C12orf56: variants seen among roughly 807,000 people sequenced by gnomAD.
C12orf56 encodes the protein chromosome 12 open reading frame 56.
A neutral mutation model predicts 69.9 loss-of-function variants in C12orf56; 71 were observed. The observed-to-expected ratio is 1.02, with a 90% CI of 0.84 to 1.24. The LOEUF is 1.24. Among genes scored for constraint, C12orf56 ranks in the 50% most tolerant of loss-of-function variants. C12orf56 has a pLI of 0.00. For synonymous variants in C12orf56, 276 were observed against 274.1 expected, an observed-to-expected ratio of 1.01 and a Z score of -0.07; for missense variants, 732 against 738.5, an observed-to-expected ratio of 0.99 and a Z score of 0.10.
chr12:64,273,244 G>A (rs2038012611), intron 11 of C12orf56, among the ~76,000 whole-genome samples: 2 of 149,682 alleles, frequency 1.3e-5, no homozygotes, highest in Non-Finnish European at 2.9e-5. Context: ...GCAGTGAGCT[G>A]AGATCGCAGA....
intron 3 of C12orf56, among the ~76,000 whole-genome samples, chr12:64,322,343 G>A (rs1162466881): frequency 2.0e-5 from 3 of 151,874 alleles, no homozygotes; most frequent in Non-Finnish European, 4.4e-5. Context: ...CTCCATTCCA[G>A]CTATTGAGCC....
intron 7 of C12orf56, 21 bp from the exon 8 acceptor site, chr12:64,284,774 G>A (rs1446326152): frequency 6.5e-7 from 1 of 1,532,728 alleles, no homozygotes; most frequent in African/African-American, 1.4e-5. Context: ...AACGATAAAA[G>A]GCAAAGAAAT....
chr12:64,304,544 C>A (rs1328162275), intron 5 of C12orf56, among the ~76,000 whole-genome samples: 1 of 152,130 alleles, frequency 6.6e-6, no homozygotes, highest in Admixed American at 6.6e-5. Flanking sequence ...TTTTCACACT[C>A]CTAGTATCAC....
intron 3 of C12orf56, among the ~76,000 whole-genome samples, chr12:64,323,505 G>C (rs1198918197): frequency 6.7e-6 from 1 of 149,888 alleles, no homozygotes; most frequent in African/African-American, 2.5e-5. Context: ...ATGCATTTCT[G>C]TCACTTTTAA....
intron 6 of C12orf56, among the ~76,000 whole-genome samples, chr12:64,300,439 ACACATCAACATCCTTCT>A (rs2038428729): frequency 1.3e-5 from 2 of 152,174 alleles, no homozygotes; most frequent in Non-Finnish European, 2.9e-5. Context: ...CATTAGGAAT[ACACATCAACATCCTTCT>A]TAATCTAACC....
At chr12:64,294,297 T>C (rs1284481332) in intron 6 of C12orf56, among the ~76,000 whole-genome samples, 3 of 152,162 alleles carry the variant, frequency 2.0e-5, no homozygotes, top group Non-Finnish European at 4.4e-5. Flanking sequence ...ACTTTAAATA[T>C]AGAATTACCA....
intron 6 of C12orf56, among the ~76,000 whole-genome samples, chr12:64,287,026 CAGG>C (rs1379387240): frequency 6.6e-6 from 1 of 152,028 alleles, no homozygotes; most frequent in Non-Finnish European, 1.5e-5. Flanking sequence ...CACTTGAGGT[CAGG>C]AGTTCGAAAT....
In C12orf56 at chr12:64,318,646, G is replaced by A. The variant is rs892264752; in HGVS notation, c.823C>T (p.His275Tyr). The part of the protein sequence containing the change: ...SNLEKKESEL[H>Y]LYVISTTSSI... Reference sequence around the variant, plus strand: ...GAGGTTGTGGAAATAACATACAAATGAAGTTCTGACTCCTTTTTCTCTAAA... The same window carrying A: ...GAGGTTGTGGAAATAACATACAAATAAAGTTCTGACTCCTTTTTCTCTAAA... Residue 275 changes from histidine to tyrosine, a missense_variant, in exon 4 of 13, where the codon CAT becomes TAT. His to Tyr is a moderately conservative substitution (Grantham distance 83, BLOSUM62 2). Coordinates refer to ENST00000543942, the MANE Select transcript of C12orf56 (RefSeq NM_001170633.2). 5.9e-6 allele frequency: 9 copies of A among 1,536,934 alleles called. No individual in the cohort carries two copies. Among genetic ancestry groups the A allele is most frequent in the South Asian group, 1.2e-5 (1 of 84,054 alleles).
At chr12:64,361,381 G>T (rs1485381170) in intron 1 of C12orf56, among the ~76,000 whole-genome samples, 1 of 152,100 alleles carries the variant, frequency 6.6e-6, no homozygotes, top group Admixed American at 6.5e-5. Flanking sequence ...TTCCCAGGAG[G>T]TTAAGGCATC....
intron 2 of C12orf56, among the ~76,000 whole-genome samples, chr12:64,336,576 A>T (rs2038999617): frequency 6.6e-6 from 1 of 152,136 alleles, no homozygotes; most frequent in Non-Finnish European, 1.5e-5. Flanking sequence ...GTGACAGGAG[A>T]CCTGGTGAGC....
chr12:64,273,674 A>G (rs550746029), intron 11 of C12orf56, among the ~76,000 whole-genome samples: 12 of 152,296 alleles, frequency 7.9e-5, no homozygotes, highest in Non-Finnish European at 1.2e-4. Flanking sequence ...CATGTCCCAG[A>G]GGGGTCTGCA....
At position 64,320,455 on chromosome 12, in the gene C12orf56, G is replaced by T. The variant is rs556851244; in HGVS notation, c.489-1475C>A. On this transcript the variant is annotated intron_variant, in intron 3 of 12. Coordinates refer to ENST00000543942, the MANE Select transcript of C12orf56 (RefSeq NM_001170633.2). ...TGGGATTACAGGCCTGTGCCATTGT[G>T]CCTGGCCTGAGATTTTTTAAATGAT... Among the ~76,000 whole-genome samples the T allele has an allele frequency of 6.6e-5, 10 of 152,198 alleles. No homozygotes were observed. In the East Asian group the frequency reaches 1.9e-3, roughly 29 times the overall value.
chr12:64,385,280 G>A (rs1212346987), intron 1 of C12orf56, among the ~76,000 whole-genome samples: 1 of 152,190 alleles, frequency 6.6e-6, no homozygotes, highest in Non-Finnish European at 1.5e-5. Flanking sequence ...TTTGCTGGAA[G>A]GGAAATCTCA....
chr12:64,297,391 T>C (rs1344492853), intron 6 of C12orf56, among the ~76,000 whole-genome samples: 1 of 73,222 alleles, frequency 1.4e-5, no homozygotes, highest in Non-Finnish European at 3.9e-5. Context: ...CATTTACTTT[T>C]TTTTCTTTTT....
At position 64,364,438 on chromosome 12, in the gene C12orf56, C is replaced by A. The variant is rs142370414; in HGVS notation, c.253-11382G>T. ...CCTGTTTTTGCTCAAGGGTAGGGAG[C>A]AGTGAAGAGGCATTGGGGGTGCTGG... On this transcript the variant is annotated intron_variant, in intron 1 of 12. Coordinates refer to ENST00000543942, the MANE Select transcript of C12orf56 (RefSeq NM_001170633.2). Among the ~76,000 whole-genome samples, 316 of 152,180 alleles carry A rather than the reference C, an allele frequency of 2.1e-3. 1 individual carries two copies. Among genetic ancestry groups the A allele is most frequent in the African/African-American group, 7.2e-3 (299 of 41,512 alleles).
At chr12:64,352,081 T>G (rs1001047775) in intron 2 of C12orf56, among the ~76,000 whole-genome samples, 23 of 127,650 alleles carry the variant, frequency 1.8e-4, no homozygotes, top group Admixed American at 4.6e-4. Flanking sequence ...AGTAAAAGGT[T>G]TTTTTGTTTT....
At chr12:64,300,177 T>C (rs2038425735) in intron 6 of C12orf56, among the ~76,000 whole-genome samples, 1 of 151,984 alleles carries the variant, frequency 6.6e-6, no homozygotes, top group Non-Finnish European at 1.5e-5. Context: ...AAGAAGAGTA[T>C]TCTAGAGAAA....
intron 1 of C12orf56, chr12:64,355,777 G>C (rs2039303233): frequency 6.6e-6 from 1 of 152,362 alleles, no homozygotes; most frequent in South Asian, 2.1e-4. Context: ...GATGGGTAAT[G>C]TGCCTACATC....
chr12:64,284,712 C>A lies in C12orf56; in HGVS notation c.1262G>T (p.Arg421Ile), dbSNP rs758773778. ...EIIQTLVLMF[R>I]ETETESSRLN... ...GCGTGATGACTCGGTTTCTGTTTCTCTGAACATCAATACTAGGGTCTGTAT... is the reference window on the plus strand; with the variant it reads ...GCGTGATGACTCGGTTTCTGTTTCTATGAACATCAATACTAGGGTCTGTAT... Residue 421 changes from arginine (R) to isoleucine (I), a missense_variant, in exon 8 of 13, where the codon AGA becomes ATA. Arg to Ile is a moderately conservative substitution (Grantham distance 97, BLOSUM62 -3). Transcript: ENST00000543942. 3 of 1,611,980 alleles carry A rather than the reference C, an allele frequency of 1.9e-6. No individual in the cohort carries two copies. The South Asian group carries it at 3.3e-5, about 18-fold the overall frequency.
Sources: gnomAD v4.1 joint callset for allele counts (sites outside exome capture counted in the v4.1 genomes callset) on GRCh38, gnomAD v4.1.1 for gene constraint, MANE v1.5 for transcripts, NCBI Gene and HGNC (gene_info 2026-07-23, HGNC 2026-07-21) for gene names.